The following FAM78A variants were observed in gnomAD, a reference collection of about 807,000 sequenced individuals.
FAM78A encodes family with sequence similarity 78 member A.
A neutral mutation model predicts 22.6 loss-of-function variants in FAM78A; 12 were observed. The observed-to-expected ratio is 0.53, with a 90% CI of 0.34 to 0.86. FAM78A has a LOEUF of 0.86. Among genes scored for constraint, FAM78A ranks in the 40% least tolerant of loss-of-function variants. The pLI is 0.02. For missense variants in FAM78A, 322 were observed against 396.1 expected (o/e 0.81, Z 1.59); for synonymous variants, 151 against 155.8 (o/e 0.97, Z 0.23).
At position 131,261,413 on chromosome 9, in the gene FAM78A, T is replaced by C. The variant is rs1360582014; in HGVS notation, c.324-63A>G. ...TCAAGGAGGGCTTTCTGTGTCCCCC[T>C]GGCAGGCCAGGGGCTGTCCTGGGCC... On this transcript the variant is annotated intron_variant, in intron 1 of 1. Transcript: ENST00000372271. The surrounding 1 kb of genome is among the most constrained non-coding windows in gnomAD (Gnocchi z 7.1). 9 of 1,457,812 alleles carry C rather than the reference T, an allele frequency of 6.2e-6. No individual in the cohort carries two copies. In the East Asian group the frequency reaches 1.9e-4, roughly 31 times the overall value. The allele number at this position is 1,457,812 out of a possible 1,614,324, so 90.3% of individuals were successfully genotyped here.
rs1478699778 is a variant in FAM78A at position 131,265,439 on chromosome 9, G to T, written c.324-4089C>A. On this transcript the variant is annotated intron_variant, in intron 1 of 1. Transcript: ENST00000372271. This position sits in a 1 kb window ranked among gnomAD's most constrained non-coding sequence, Gnocchi z 4.3. The stretch of plus-strand genomic sequence containing the variant: ...CCGGACTAATTATTTAGTAGAGATG[G>T]GGTTTCACCGTGTTATTCAGGTTGG... Among the ~76,000 whole-genome samples the T allele has an allele frequency of 6.6e-6, 1 of 152,074 alleles. No homozygotes were observed. The highest frequency in any genetic ancestry group is 1.9e-4 in the East Asian group (1 of 5,178).
Position 131,260,476 on chromosome 9 carries a change from T to A in FAM78A, c.*346A>T. ...AATCAGCTCCCCCTCCTCCTGCCCC[T>A]GAGCCCCCAAAAGAGGAGTTTTTTT... On this transcript the variant is annotated 3_prime_UTR_variant, in exon 2 of 2. Transcript: ENST00000372271. The surrounding 1 kb of genome is among the most constrained non-coding windows in gnomAD (Gnocchi z 5.4). The A allele has an allele frequency of 5.3e-6, 1 of 188,590 alleles. No homozygotes were observed. Among genetic ancestry groups the A allele is most frequent in the Non-Finnish European group, 1.1e-5 (1 of 92,556 alleles). 11.7% of individuals were successfully genotyped at this position (188,590 alleles called of 1,614,324 possible). A position where few individuals can be genotyped will look rare whatever the true frequency, so the allele number is the denominator to read the frequency against.
At position 131,260,738 on chromosome 9, in the gene FAM78A, G is replaced by A. The variant is rs779368661; in HGVS notation, c.*84C>T. The A allele has an allele frequency of 1.4e-6, 2 of 1,463,586 alleles. No homozygotes were observed. The highest frequency in any genetic ancestry group is 1.8e-6 in the Non-Finnish European group (2 of 1,102,332). The allele number at this position is 1,463,586 out of a possible 1,614,324, so 90.7% of individuals were successfully genotyped here. On this transcript the variant is annotated 3_prime_UTR_variant, in exon 2 of 2. Transcript: ENST00000372271. This position sits in a 1 kb window ranked among gnomAD's most constrained non-coding sequence, Gnocchi z 5.4. ...GGAGAGGGTAGAATGGTTGTATCTT[G>A]CTGAATGACTGAAGAGTGAGTCTGA...
At chr9:131,264,481 G>A in intron 1 of FAM78A, 2 of 673,530 alleles carry the variant, frequency 3.0e-6, no homozygotes. Context: ...CTGTGGTCCA[G>A]TCACAGACGC....
chr9:131,273,534 C>G (rs1422107685), intron 1 of FAM78A, among the ~76,000 whole-genome samples: 2 of 152,310 alleles, frequency 1.3e-5, no homozygotes, highest in South Asian at 4.1e-4. Context: ...GGCCTGGAGC[C>G]ACTTTAAAAC....
chr9:131,260,004 C>T lies in FAM78A; in HGVS notation c.*818G>A, dbSNP rs1157740306. ...GGCCAGGCGACTGGTGGAGCCACCC[C>T]CCGCCAGAGCTCACAGCCCCTCTCC... On this transcript the variant is annotated 3_prime_UTR_variant, in exon 2 of 2. Transcript: ENST00000372271. This position sits in a 1 kb window ranked among gnomAD's most constrained non-coding sequence, Gnocchi z 5.4. 1.3e-5 allele frequency: 2 copies of T among 152,702 alleles called. No homozygotes were observed. Among genetic ancestry groups the T allele is most frequent in the Admixed American group, 1.3e-4 (2 of 15,278 alleles). 9.5% of individuals were successfully genotyped at this position (152,702 alleles called of 1,614,324 possible).
intron 1 of FAM78A, among the ~76,000 whole-genome samples, chr9:131,269,163 C>A (rs572899214): frequency 1.3e-5 from 2 of 152,068 alleles, no homozygotes; most frequent in South Asian, 4.2e-4. Context: ...TCCCCATGCG[C>A]CCCTCCCCAT....
chr9:131,266,420 G>A (rs1318895615), intron 1 of FAM78A, among the ~76,000 whole-genome samples: 1 of 152,112 alleles, frequency 6.6e-6, no homozygotes, highest in Non-Finnish European at 1.5e-5. Context: ...AGCTGCTGCA[G>A]TGGGCCATGC....
At chr9:131,262,362 T>C (rs1292331913) in intron 1 of FAM78A, among the ~76,000 whole-genome samples, 1 of 149,312 alleles carries the variant, frequency 6.7e-6, no homozygotes, top group African/African-American at 2.5e-5. Flanking sequence ...CCTCTAATCC[T>C]GTAATCAGGA....
At position 131,260,749 on chromosome 9, in the gene FAM78A, G is replaced by GC; in HGVS notation, c.*72_*73insG. 1.4e-6 allele frequency: 2 copies of GC among 1,477,320 alleles called. No individual in the cohort carries two copies. Among genetic ancestry groups the GC allele is most frequent in the Non-Finnish European group, 1.8e-6 (2 of 1,112,358 alleles). The allele number at this position is 1,477,320 out of a possible 1,614,324, so 91.5% of individuals were successfully genotyped here. ...AATGGTTGTATCTTGCTGAATGACT[G>GC]AAGAGTGAGTCTGAGTTTTGTTTTC... is the stretch of plus-strand genomic sequence containing the variant. On this transcript the variant is annotated 3_prime_UTR_variant, in exon 2 of 2. Coordinates refer to ENST00000372271, the MANE Select transcript of FAM78A (RefSeq NM_033387.4). The surrounding 1 kb of genome is among the most constrained non-coding windows in gnomAD (Gnocchi z 5.4).
rs1588199831 is a variant in FAM78A at position 131,270,642 on chromosome 9, G to A, written c.323+5215C>T. ...CCACCCCGCCCTTGCCTCCGCCAGG[G>A]CCCAGCAGATGGGGGAGGCCGCCTT... On this transcript the variant is annotated intron_variant, in intron 1 of 1. Transcript: ENST00000372271. 3 of 656,962 alleles carry A rather than the reference G, an allele frequency of 4.6e-6. No individual in the cohort carries two copies. The African/African-American group carries it at 5.4e-5, about 12-fold the overall frequency. 40.7% of individuals were successfully genotyped at this position (656,962 alleles called of 1,614,324 possible). A position where few individuals can be genotyped will look rare whatever the true frequency, so the allele number is the denominator to read the frequency against.
chr9:131,280,248 G>A (rs886588682), upstream of FAM78A, among the ~76,000 whole-genome samples: 1 of 152,104 alleles, frequency 6.6e-6, no homozygotes, highest in Non-Finnish European at 1.5e-5. Context: ...GCCCACCAGG[G>A]TTCTGGTGGC....
rs887787249 is a variant in FAM78A, at chr9:131,259,491, A to G, written c.*1331T>C. The G allele has an allele frequency of 7.2e-5, 11 of 151,906 alleles. No homozygotes were observed. The highest frequency in any genetic ancestry group is 2.7e-4 in the African/African-American group (11 of 41,358). 9.4% of individuals were successfully genotyped at this position (151,906 alleles called of 1,614,324 possible). ...ATTCACTTATTTGAGGACAGGAAGC[A>G]GGGGCTCGGCCGACTGCCTCCCAAG... On this transcript the variant is annotated 3_prime_UTR_variant, in exon 2 of 2. Transcript: ENST00000372271.
intron 1 of FAM78A, among the ~76,000 whole-genome samples, chr9:131,268,942 G>A (rs1835382120): frequency 6.6e-6 from 1 of 150,786 alleles, no homozygotes; most frequent in Admixed American, 6.6e-5. Context: ...GCTCATGCCT[G>A]TAATCCCAGC....
upstream of FAM78A, among the ~76,000 whole-genome samples, chr9:131,277,519 C>T (rs1835501036): frequency 6.6e-6 from 1 of 151,832 alleles, no homozygotes; most frequent in South Asian, 2.1e-4. This position sits in a 1 kb window ranked among gnomAD's most constrained non-coding sequence, Gnocchi z 8.4. Context: ...GGCGCGCACG[C>T]CCCCACTCGG....
intron 1 of FAM78A, chr9:131,270,320 AGGTGAAG>A (rs1189492095): frequency 1.4e-6 from 1 of 717,608 alleles, no homozygotes; most frequent in Non-Finnish European, 2.6e-6. Flanking sequence ...CACAAACAAC[AGGTGAAG>A]ACGCTTCCTT....
chr9:131,266,975 G>A (rs1340720195), intron 1 of FAM78A, among the ~76,000 whole-genome samples: 1 of 152,208 alleles, frequency 6.6e-6, no homozygotes, highest in East Asian at 1.9e-4. Context: ...CCTCTTGTTG[G>A]ACAGTCACCT....
chr9:131,264,379 C>T (rs1835314964), intron 1 of FAM78A: 4 of 560,052 alleles, frequency 7.1e-6, no homozygotes, highest in Admixed American at 6.4e-5. Flanking sequence ...AGGGCCAGGG[C>T]CAAATCGTCA....
rs891975533 is a variant in FAM78A at position 131,261,365 on chromosome 9, G to C, written c.324-15C>G. On this transcript the variant is annotated splice_polypyrimidine_tract_variant and intron_variant, in intron 1 of 1. Coordinates refer to ENST00000372271, the MANE Select transcript of FAM78A (RefSeq NM_033387.4). This position sits in a 1 kb window ranked among gnomAD's most constrained non-coding sequence, Gnocchi z 7.1. ...CCCAGCTGGACCTGAGGACAAGGAA[G>C]GCCAGTTCACTCACTCGGTCACTCA... 1 of 1,557,004 alleles carries C rather than the reference G, an allele frequency of 6.4e-7. No homozygotes were observed.
Sources: gnomAD v4.1 joint callset for allele counts (sites outside exome capture counted in the v4.1 genomes callset) on GRCh38, gnomAD v4.1.1 for gene constraint, Gnocchi (gnomAD v3.1) non-coding constraint, MANE v1.5 for transcripts, NCBI Gene and HGNC (gene_info 2026-07-23, HGNC 2026-07-21) for gene names.